ACOXL: variants seen among roughly 807,000 people sequenced by gnomAD.
ACOXL encodes acyl-CoA oxidase like, also known as acyl-coenzyme A oxidase-like protein.
Under a neutral mutation model 71.9 loss-of-function variants are expected in ACOXL, and 70 were observed. The observed-to-expected ratio is 0.97, with a 90% CI of 0.80 to 1.19. The LOEUF (loss-of-function observed/expected upper bound fraction) is 1.19, where lower values mean the gene tolerates loss of function less well. ACOXL is among the 50% of genes most tolerant of loss of function. ACOXL has a pLI of 0.00. For synonymous variants in ACOXL, 253 were observed against 281.6 expected (o/e 0.90, Z 1.02); for missense variants, 703 against 736.3 (o/e 0.95, Z 0.52).
At chr2:110,854,537 C>A (rs747410881) in intron 10 of ACOXL, among the ~76,000 whole-genome samples, 1 of 152,160 alleles carries the variant, frequency 6.6e-6, no homozygotes, top group African/African-American at 2.4e-5. Flanking sequence ...TTGCTCTCCA[C>A]CAGCAGGGGG....
intron 9 of ACOXL, among the ~76,000 whole-genome samples, chr2:110,821,502 A>G (rs956949064): frequency 6.6e-6 from 1 of 152,122 alleles, no homozygotes; most frequent in Non-Finnish European, 1.5e-5. Flanking sequence ...CTTTGAAGCT[A>G]AGAGGGACCA....
intron 12 of ACOXL, among the ~76,000 whole-genome samples, chr2:110,954,504 C>T (rs1403775336): frequency 6.6e-6 from 1 of 152,030 alleles, no homozygotes; most frequent in Non-Finnish European, 1.5e-5. Flanking sequence ...TATTTTGTGG[C>T]CACCCTAGCA....
At chr2:110,932,245 C>T (rs2060501963) in intron 11 of ACOXL, among the ~76,000 whole-genome samples, 1 of 152,088 alleles carries the variant, frequency 6.6e-6, no homozygotes, top group Non-Finnish European at 1.5e-5. Flanking sequence ...TCAGTGGTTG[C>T]CTTGGGGTGG....
At chr2:110,876,650 G>A (rs1427889333) in intron 10 of ACOXL, among the ~76,000 whole-genome samples, 2 of 152,200 alleles carry the variant, frequency 1.3e-5, no homozygotes, top group African/African-American at 4.8e-5. Context: ...ACAGAGTAAT[G>A]GCGGCTCGGG....
intron 2 of ACOXL, among the ~76,000 whole-genome samples, chr2:110,783,563 C>T (rs533094682): frequency 1.3e-4 from 20 of 152,214 alleles, no homozygotes; most frequent in South Asian, 1.0e-3. Flanking sequence ...GAAAGTCATT[C>T]AAGGAAGGTT....
intron 1 of ACOXL, among the ~76,000 whole-genome samples, chr2:110,735,975 G>A (rs994903028): frequency 6.6e-6 from 1 of 152,048 alleles, no homozygotes; most frequent in Non-Finnish European, 1.5e-5. Context: ...TTCTCTCAGG[G>A]CCTTCTCACA....
chr2:110,962,288 G>A (rs1156982197), intron 12 of ACOXL, among the ~76,000 whole-genome samples: 1 of 152,228 alleles, frequency 6.6e-6, no homozygotes, highest in South Asian at 2.1e-4. Context: ...CGGCAGGACC[G>A]CACTTTATCG....
chr2:111,097,913 C>T (rs938517401), intron 17 of ACOXL, among the ~76,000 whole-genome samples: 3 of 152,080 alleles, frequency 2.0e-5, no homozygotes, highest in Non-Finnish European at 2.9e-5. Context: ...AGCTTAATTC[C>T]CCTTCTCTTT....
chr2:110,917,590 A>G (rs539050543), intron 11 of ACOXL, among the ~76,000 whole-genome samples: 4 of 152,342 alleles, frequency 2.6e-5, no homozygotes, highest in Middle Eastern at 3.4e-3. Flanking sequence ...AGGGTATTCA[A>G]ATAGGAAGAG....
At position 110,996,025 on chromosome 2, in the gene ACOXL, A is replaced by G. The variant is rs552026465; in HGVS notation, c.1281+21A>G. 31 of 1,586,560 alleles carry G rather than the reference A, an allele frequency of 2.0e-5. No individual in the cohort carries two copies. The South Asian group carries it at 3.3e-4, about 17-fold the overall frequency. On this transcript the variant is annotated intron_variant, in intron 14 of 17. Coordinates refer to ENST00000439055, the MANE Select transcript of ACOXL (RefSeq NM_001142807.4). The stretch of plus-strand genomic sequence containing the variant: ...ATAAGGTAAAGATACACTGTGTTAT[A>G]TTTTTCCTTTTGACATGTGTTTAAG...
intron 11 of ACOXL, among the ~76,000 whole-genome samples, chr2:110,918,895 A>G (rs1246272984): frequency 1.3e-5 from 2 of 152,264 alleles, no homozygotes; most frequent in East Asian, 1.9e-4. Flanking sequence ...TTAAAATGTC[A>G]GAAAACAACA....
At chr2:110,739,775 C>T (rs929985407) in intron 1 of ACOXL, among the ~76,000 whole-genome samples, 1 of 152,190 alleles carries the variant, frequency 6.6e-6, no homozygotes, top group South Asian at 2.1e-4. Context: ...CTAGTTGGCT[C>T]CGTCAGCCCT....
At chr2:110,890,068 T>A (rs761844050) in intron 10 of ACOXL, among the ~76,000 whole-genome samples, 3 of 152,206 alleles carry the variant, frequency 2.0e-5, no homozygotes, top group Non-Finnish European at 2.9e-5. Flanking sequence ...ATATTGAACA[T>A]CTTTTTATGT....
intron 9 of ACOXL, among the ~76,000 whole-genome samples, chr2:110,817,374 GATGACTTGAGGA>G (rs1037475419): frequency 2.0e-5 from 3 of 152,230 alleles, no homozygotes; most frequent in Admixed American, 6.5e-5. Flanking sequence ...GTCCCACTTG[GATGACTTGAGGA>G]ATGACTTGAG....
At chr2:111,115,435 G>A (rs747521919) in intron 17 of ACOXL, 2 of 152,150 alleles carry the variant, frequency 1.3e-5, no homozygotes, top group African/African-American at 2.4e-5. Flanking sequence ...ACAGCTTCAC[G>A]ATGTGAGACC....
intron 17 of ACOXL, among the ~76,000 whole-genome samples, chr2:111,101,671 C>A (rs1291039398): frequency 1.4e-5 from 2 of 147,014 alleles, no homozygotes; most frequent in Non-Finnish European, 3.0e-5. Context: ...AAAAAAAAAA[C>A]TGTTTCCCTC....
rs550504059 is a variant in ACOXL at position 111,070,238 on chromosome 2, A to G, written c.1440+20950A>G. Reference sequence around the variant, plus strand: ...CAGCGCTATTCACAATAGCAAGGACATGGAATCAACCAACGTAGATGCCCA... The same window carrying G: ...CAGCGCTATTCACAATAGCAAGGACGTGGAATCAACCAACGTAGATGCCCA... On this transcript the variant is annotated intron_variant, in intron 16 of 17. Coordinates refer to ENST00000439055, the MANE Select transcript of ACOXL (RefSeq NM_001142807.4). 2.6e-5 allele frequency among the ~76,000 whole-genome samples: 4 copies of G among 152,334 alleles called. No homozygotes were observed. The South Asian group carries it at 6.2e-4, about 24-fold the overall frequency.
At chr2:110,828,224 G>A (rs182446196) in intron 9 of ACOXL, among the ~76,000 whole-genome samples, 19 of 152,180 alleles carry the variant, frequency 1.2e-4, no homozygotes, top group African/African-American at 3.4e-4. Context: ...CACCTGCCTC[G>A]GCTTCTCCAT....
intron 16 of ACOXL, among the ~76,000 whole-genome samples, chr2:111,074,165 G>GTT (rs1223089873): frequency 7.7e-5 from 11 of 142,150 alleles, no homozygotes; most frequent in Non-Finnish European, 1.2e-4. Context: ...ACTGTGTGTT[G>GTT]TTTTTTTTTT....
Sources: allele counts gnomAD v4.1 joint callset (sites outside exome capture counted in the v4.1 genomes callset), GRCh38; gene constraint gnomAD v4.1.1; transcripts MANE v1.5; gene names NCBI Gene and HGNC (gene_info 2026-07-23, HGNC 2026-07-21).